FRAS1: variants seen among roughly 807,000 people sequenced by gnomAD.
FRAS1 encodes the protein extracellular matrix organizing protein FRAS1.
In FRAS1, 290 loss-of-function variants were observed where a neutral mutation model predicts 435.2. The ratio of observed to expected loss-of-function variants is 0.67; its 90% CI spans 0.61 to 0.73. The LOEUF (loss-of-function observed/expected upper bound fraction) is 0.73, where lower values mean the gene tolerates loss of function less well. FRAS1 is among the 30% of genes least tolerant of loss of function. FRAS1 has a pLI of 0.00. For missense variants in FRAS1, 4,860 were observed against 5,001.5 expected (o/e 0.97, Z 0.85); for synonymous variants, 1,800 against 1,851.0 (o/e 0.97, Z 0.71).
chr4:78,238,961 AT>A (rs1160021386), intron 3 of FRAS1, among the ~76,000 whole-genome samples: 1 of 152,262 alleles, frequency 6.6e-6, no homozygotes, highest in African/African-American at 2.4e-5. Context: ...AAAAAATAGT[AT>A]TTTATAATGT....
intron 49 of FRAS1, 39 bp from the exon 50 acceptor site, chr4:78,466,169 T>G: frequency 1.4e-5 from 22 of 1,574,108 alleles, no homozygotes; most frequent in African/African-American, 2.7e-5. Flanking sequence ...GTTTCTGTTA[T>G]GAGCTTCCCT....
intron 6 of FRAS1, among the ~76,000 whole-genome samples, chr4:78,262,145 C>T (rs1331748547): frequency 6.6e-6 from 1 of 152,116 alleles, no homozygotes; most frequent in Admixed American, 6.6e-5. Flanking sequence ...CTCCACTGCC[C>T]AGCCCTCTTA....
At chr4:78,148,983 A>G (rs1720527080) in intron 2 of FRAS1, among the ~76,000 whole-genome samples, 1 of 152,220 alleles carries the variant, frequency 6.6e-6, no homozygotes, top group South Asian at 2.1e-4. Context: ...ACTTTTGGAC[A>G]AAGAGTGTAA....
chr4:78,523,413 C>T (rs1721446990), intron 69 of FRAS1, among the ~76,000 whole-genome samples: 1 of 152,090 alleles, frequency 6.6e-6, no homozygotes, highest in African/African-American at 2.4e-5. Flanking sequence ...TTATTCCTCT[C>T]CCAGACCCAA....
intron 12 of FRAS1, among the ~76,000 whole-genome samples, chr4:78,283,488 C>T (rs1246649148): frequency 5.3e-5 from 8 of 152,192 alleles, no homozygotes; most frequent in Admixed American, 1.3e-4. Context: ...TTCAAATCAC[C>T]TGGGGTTGAA....
chr4:78,090,224 C>G (rs920186519), intron 2 of FRAS1, among the ~76,000 whole-genome samples: 1 of 152,136 alleles, frequency 6.6e-6, no homozygotes, highest in Non-Finnish European at 1.5e-5. Context: ...ACATTTATGA[C>G]CATGCAAGAG....
At chr4:78,075,199 A>T (rs1353344631) in intron 2 of FRAS1, among the ~76,000 whole-genome samples, 2 of 152,206 alleles carry the variant, frequency 1.3e-5, no homozygotes, top group Non-Finnish European at 2.9e-5. Context: ...ATTCTCCATT[A>T]ATAGAAGATT....
intron 1 of FRAS1, among the ~76,000 whole-genome samples, chr4:78,059,890 G>A (rs1346215746): frequency 7.1e-6 from 1 of 141,306 alleles, no homozygotes; most frequent in African/African-American, 2.6e-5. Context: ...TAGAGACGGG[G>A]GGCGGGGGCG....
At chr4:78,481,103 C>T (rs1719997641) in intron 56 of FRAS1, among the ~76,000 whole-genome samples, 1 of 152,222 alleles carries the variant, frequency 6.6e-6, no homozygotes, top group South Asian at 2.1e-4. Flanking sequence ...TACATTGCAT[C>T]TCACAGCATG....
At position 78,440,192 on chromosome 4, in the gene FRAS1, G is replaced by A. The variant is rs866386708; in HGVS notation, c.5530-970G>A. The stretch of plus-strand genomic sequence containing the variant: ...ACTACAGGCGCCCGCCACCGCGCCC[G>A]GCTAATTTTTTTTGTATTTTTAGTA... On this transcript the variant is annotated intron_variant, in intron 40 of 73. Coordinates refer to ENST00000512123, the MANE Select transcript of FRAS1 (RefSeq NM_025074.7). 7.6e-4 allele frequency among the ~76,000 whole-genome samples: 115 copies of A among 151,232 alleles called. 1 individual carries two copies. The Middle Eastern group carries it at 0.024, about 32-fold the overall frequency.
intron 58 of FRAS1, among the ~76,000 whole-genome samples, chr4:78,485,326 C>T (rs572076129): frequency 1.3e-5 from 2 of 152,278 alleles, no homozygotes; most frequent in East Asian, 3.9e-4. Flanking sequence ...ACTCCAGTAA[C>T]ATATAGAGTC....
At chr4:78,275,033 T>C (rs978712668) in intron 9 of FRAS1, among the ~76,000 whole-genome samples, 1 of 152,230 alleles carries the variant, frequency 6.6e-6, no homozygotes, top group Non-Finnish European at 1.5e-5. Context: ...GATAGTTAGC[T>C]CTTCTTGTTG....
At chr4:78,179,319 C>T (rs1721904368) in intron 2 of FRAS1, among the ~76,000 whole-genome samples, 1 of 152,164 alleles carries the variant, frequency 6.6e-6, no homozygotes, top group Admixed American at 6.5e-5. Flanking sequence ...TGACATCTGG[C>T]TCTCCACAGA....
intron 70 of FRAS1, among the ~76,000 whole-genome samples, chr4:78,532,846 G>A (rs920991918): frequency 3.3e-5 from 4 of 119,912 alleles, no homozygotes; most frequent in Admixed American, 1.7e-4. Flanking sequence ...ATTTAATTGT[G>A]TGTATATATA....
At position 78,508,871 on chromosome 4, in the gene FRAS1, C is replaced by T. The variant is rs1487998868; in HGVS notation, c.9645C>T (p.Arg3215=). 1.9e-6 allele frequency: 3 copies of T among 1,613,924 alleles called. No individual in the cohort carries two copies. The highest frequency in any genetic ancestry group is 2.2e-5 in the South Asian group (2 of 91,074). The part of the protein sequence containing the change: ...HFPRYAVMKE[R]CSEAGINQTS... Reference sequence around the variant, plus strand: ...CCAGATACGCTGTCATGAAGGAGCGCTGCAGTGAGGCCGGCATCAACCAGA... The same window carrying T: ...CCAGATACGCTGTCATGAAGGAGCGTTGCAGTGAGGCCGGCATCAACCAGA... The change falls in exon 63 of 74, where the codon CGC becomes CGT. Residue 3215 remains arginine (R), a synonymous_variant. Transcript: ENST00000512123.
At chr4:78,124,278 T>C (rs1483449771) in intron 2 of FRAS1, among the ~76,000 whole-genome samples, 5 of 152,254 alleles carry the variant, frequency 3.3e-5, no homozygotes, top group African/African-American at 9.6e-5. Flanking sequence ...ATTACGTTTA[T>C]TGATTTGCAT....
In FRAS1 at chr4:78,540,978, A is replaced by G. The variant is rs571111012; in HGVS notation, c.11893A>G (p.Asn3965Asp). 4.5e-5 allele frequency: 73 copies of G among 1,613,418 alleles called. No individual in the cohort carries two copies. The East Asian group carries it at 1.6e-3, about 34-fold the overall frequency. Residue 3965 changes from asparagine to aspartate, a missense_variant, in exon 74 of 74, where the codon AAC (asparagine) becomes GAC (aspartate). Asn to Asp is a conservative substitution (Grantham distance 23, BLOSUM62 1). Coordinates refer to ENST00000512123, the MANE Select transcript of FRAS1 (RefSeq NM_025074.7). The part of the protein sequence containing the change: ...PKRHPDRVEK[N>D]VNRHYCTVRN... ...GAGGCACCCGGACCGGGTGGAGAAGAACGTGAATAGACACTACTGCACTGT... is the reference window on the plus strand; with the variant it reads ...GAGGCACCCGGACCGGGTGGAGAAGGACGTGAATAGACACTACTGCACTGT...
At chr4:78,472,566 A>T (rs958121302) in intron 52 of FRAS1, among the ~76,000 whole-genome samples, 2 of 152,296 alleles carry the variant, frequency 1.3e-5, no homozygotes, top group South Asian at 2.1e-4. Context: ...CTCAACTCCT[A>T]AATTGCTCTA....
rs574532213 is a variant in FRAS1 at position 78,503,723 on chromosome 4, A to G, written c.9317-3698A>G. On this transcript the variant is annotated intron_variant, in intron 61 of 73. Coordinates refer to ENST00000512123, the MANE Select transcript of FRAS1 (RefSeq NM_025074.7). ...TTGTGTCTCTATCTCCTCCAGTTCT[A>G]TTCTGATCTTAGTTATTTCTTGCCT... Among the ~76,000 whole-genome samples the G allele has an allele frequency of 1.6e-4, 24 of 151,954 alleles. 1 individual carries two copies. In the East Asian group the frequency reaches 4.3e-3, roughly 27 times the overall value.
Sources: allele counts gnomAD v4.1 joint callset (sites outside exome capture counted in the v4.1 genomes callset), GRCh38; gene constraint gnomAD v4.1.1; transcripts MANE v1.5; gene names NCBI Gene and HGNC (gene_info 2026-07-23, HGNC 2026-07-21).